The following SLC12A3 variants were observed in gnomAD, a reference collection of about 807,000 sequenced individuals.
SLC12A3 encodes Na-Cl cotransporter.
In SLC12A3, 104 loss-of-function variants were observed where a neutral mutation model predicts 121.0. That is an observed-to-expected ratio of 0.86 (90% CI 0.73 to 1.01). The LOEUF is 1.01. Ranked by LOEUF, SLC12A3 falls within the 50% of genes least tolerant of loss-of-function variation. The pLI, the probability that SLC12A3 is intolerant of heterozygous loss-of-function variation, is 0.00. For synonymous variants in SLC12A3, 536 were observed against 533.4 expected (o/e 1.00, Z -0.07); for missense variants, 1,328 against 1,356.3 (o/e 0.98, Z 0.33).
chr16:56,889,340 G>A (rs2055359217), intron 18 of SLC12A3, among the ~76,000 whole-genome samples: 1 of 152,214 alleles, frequency 6.6e-6, no homozygotes, highest in Non-Finnish European at 1.5e-5. Context: ...CTGGAGATAT[G>A]TGATCTAAGG....
At chr16:56,903,720 G>T (rs1383846436) in intron 24 of SLC12A3, among the ~76,000 whole-genome samples, 1 of 151,988 alleles carries the variant, frequency 6.6e-6, no homozygotes, top group Non-Finnish European at 1.5e-5. Flanking sequence ...TTTGAGCTAG[G>T]CCTTGGGTTG....
rs765267640 is a variant in SLC12A3, at chr16:56,879,209, C to T, written c.1317C>T (p.Gly439=). ...CCCAGCAGCACAGCTGCCACTACGG[C>T]CTCATCAACTATTACCAGGTACTGC... The part of the protein sequence containing the change: ...ECTQQHSCHY[G]LINYYQTMSM... Residue 439 remains glycine (G), a synonymous_variant, in exon 10 of 26, where the codon GGC becomes GGT. Coordinates refer to ENST00000563236, the MANE Select transcript of SLC12A3 (RefSeq NM_001126108.2). 6.2e-6 allele frequency: 10 copies of T among 1,613,968 alleles called. No individual in the cohort carries two copies. The highest frequency in any genetic ancestry group is 1.6e-4 in the Middle Eastern group (1 of 6,062).
chr16:56,898,686 C>T (rs1200998907), intron 22 of SLC12A3, among the ~76,000 whole-genome samples: 2 of 152,152 alleles, frequency 1.3e-5, no homozygotes, highest in African/African-American at 4.8e-5. Flanking sequence ...GTGAAGTCTT[C>T]CCTGACTGCT....
chr16:56,872,933 C>A, intron 8 of SLC12A3, 147 bp downstream of exon 8: 2 of 1,029,098 alleles, frequency 1.9e-6, no homozygotes, highest in Non-Finnish European at 2.9e-6. Flanking sequence ...TCAGTTCAAC[C>A]CAATCCAACC....
rs755546744 is a variant in SLC12A3 at position 56,879,580 on chromosome 16, G to A, written c.1374G>A (p.Thr458=). 2.3e-5 allele frequency: 37 copies of A among 1,613,736 alleles called. No homozygotes were observed. Among genetic ancestry groups the A allele is most frequent in the Non-Finnish European group, 2.8e-5 (33 of 1,179,996 alleles). The change falls in exon 11 of 26, where the codon ACG becomes ACA. Residue 458 remains threonine (T), a synonymous_variant. Coordinates refer to ENST00000563236, the MANE Select transcript of SLC12A3 (RefSeq NM_001126108.2). The stretch of plus-strand genomic sequence containing the variant: ...TGTCAGGCTTCGCGCCCCTGATCAC[G>A]GCTGGCATCTTCGGGGCCACCCTCT... ...SMVSGFAPLI[T]AGIFGATLSS...
intron 25 of SLC12A3, 61 bp downstream of exon 25, chr16:56,904,523 G>T: frequency 6.5e-7 from 1 of 1,532,160 alleles, no homozygotes; most frequent in Non-Finnish European, 9.0e-7. Flanking sequence ...CTCAGCTCTG[G>T]GAAGGGGCTC....
chr16:56,878,187 G>A (rs1323392380), intron 9 of SLC12A3, 26 bp downstream of exon 9: 1 of 1,555,944 alleles, frequency 6.4e-7, no homozygotes, highest in Non-Finnish European at 8.8e-7. Flanking sequence ...AGCCAGTCAG[G>A]AGGGGGAGGG....
chr16:56,899,745 G>T lies in SLC12A3; in HGVS notation c.2720+129G>T, dbSNP rs1385494831. The T allele has an allele frequency of 1.3e-5, 10 of 742,636 alleles. No homozygotes were observed. In the African/African-American group the frequency reaches 1.7e-4, roughly 13 times the overall value. The allele number at this position is 742,636 out of a possible 1,614,324, so 46.0% of individuals were successfully genotyped here. A position where few individuals can be genotyped will look rare whatever the true frequency, so the allele number is the denominator to read the frequency against. On this transcript the variant is annotated intron_variant, in intron 23 of 25. Transcript: ENST00000563236. Reference sequence around the variant, plus strand: ...TCTCCTCCAAGCCCTTCCTAGATGTGTCAGAGGGCACAACTTCTGCAGTGG... The same window carrying T: ...TCTCCTCCAAGCCCTTCCTAGATGTTTCAGAGGGCACAACTTCTGCAGTGG...
At position 56,896,094 on chromosome 16, in the gene SLC12A3, G is replaced by A. The variant is rs548986440; in HGVS notation, c.2633+1452G>A. Among the ~76,000 whole-genome samples, 3 of 152,368 alleles carry A rather than the reference G, an allele frequency of 2.0e-5. No individual in the cohort carries two copies. The South Asian group carries it at 6.2e-4, about 32-fold the overall frequency. On this transcript the variant is annotated intron_variant, in intron 22 of 25. Coordinates refer to ENST00000563236, the MANE Select transcript of SLC12A3 (RefSeq NM_001126108.2). ...TCAGTACCTGTTGGCAGCCCCGGGG[G>A]TCAGGGGCCCCTGCTTTAAGGCAGT...
In SLC12A3 at chr16:56,870,231, T is replaced by C; in HGVS notation, c.737T>C (p.Leu246Pro). 6.2e-7 allele frequency: 1 copy of C among 1,613,168 alleles called. No homozygotes were observed. The highest frequency in any genetic ancestry group is 8.5e-7 in the Non-Finnish European group (1 of 1,179,974). ...VGFAETVRDLLQEYGAPIVDP... is the reference protein window; with the variant it reads ...VGFAETVRDLPQEYGAPIVDP... Reference sequence around the variant, plus strand: ...TTTGCAGAGACCGTGCGGGACCTGCTCCAGGTGAGGCCGGGGGGCTGGACC... The same window carrying C: ...TTTGCAGAGACCGTGCGGGACCTGCCCCAGGTGAGGCCGGGGGGCTGGACC... Residue 246 changes from leucine to proline, a missense_variant, in exon 5 of 26, where the codon CTC (leucine) becomes CCC (proline). Physicochemically the swap from Leu to Pro is moderately conservative, Grantham distance 98. Coordinates refer to ENST00000563236, the MANE Select transcript of SLC12A3 (RefSeq NM_001126108.2).
chr16:56,881,651 A>G (rs1159216753), intron 12 of SLC12A3, among the ~76,000 whole-genome samples: 1 of 151,856 alleles, frequency 6.6e-6, no homozygotes, highest in African/African-American at 2.4e-5. Flanking sequence ...AGGGGAGGGG[A>G]ACAGGGAGAC....
rs59206129 is a variant in SLC12A3, at chr16:56,905,338, C to CAAAAA, written c.2924+895_2924+899dup. On this transcript the variant is annotated intron_variant, in intron 25 of 25. Coordinates refer to ENST00000563236, the MANE Select transcript of SLC12A3 (RefSeq NM_001126108.2). ...TGGCAACAAGAGCGAAACTCCGTCT[C>CAAAAA]AAAAAAAAAAAAAAAAAAAAAAAGA... Among the ~76,000 whole-genome samples the CAAAAA allele has an allele frequency of 3.6e-3, 185 of 50,728 alleles. 4 individuals are homozygous for CAAAAA. Among genetic ancestry groups the CAAAAA allele is most frequent in the African/African-American group, 0.012 (172 of 14,662 alleles). The allele number at this position is 50,728 out of a possible 152,430, so 33.3% of individuals were successfully genotyped here.
At chr16:56,897,026 A>G (rs1432514244) in intron 22 of SLC12A3, among the ~76,000 whole-genome samples, 2 of 151,970 alleles carry the variant, frequency 1.3e-5, no homozygotes, top group African/African-American at 2.4e-5. Context: ...TGGGAGGCGA[A>G]GGTTGCAGTG....
intron 21 of SLC12A3, among the ~76,000 whole-genome samples, 174 bp downstream of exon 21, chr16:56,893,228 A>C (rs1213990978): frequency 1.3e-5 from 2 of 152,222 alleles, no homozygotes; most frequent in Admixed American, 6.5e-5. Flanking sequence ...TTTTGGTTAT[A>C]AAATGGGAAG....
At chr16:56,902,883 C>T (rs547613187) in intron 24 of SLC12A3, among the ~76,000 whole-genome samples, 1 of 152,254 alleles carries the variant, frequency 6.6e-6, no homozygotes, top group East Asian at 1.9e-4. Flanking sequence ...TGGTGGCTCA[C>T]CCCTGTAATC....
intron 5 of SLC12A3, 84 bp from the exon 6 acceptor site, chr16:56,870,542 A>G: frequency 1.1e-6 from 1 of 937,232 alleles, no homozygotes; most frequent in Non-Finnish European, 1.8e-6. Context: ...TGCACCGCAC[A>G]GGAGGTGCCT....
intron 25 of SLC12A3, among the ~76,000 whole-genome samples, chr16:56,909,581 G>C (rs1311134670): frequency 6.6e-6 from 1 of 152,150 alleles, no homozygotes; most frequent in African/African-American, 2.4e-5. Context: ...GTTGCCCAAA[G>C]AGGCCCCAGC....
intron 21 of SLC12A3, 115 bp from the exon 22 acceptor site, chr16:56,894,416 T>G: frequency 1.3e-6 from 1 of 749,200 alleles, no homozygotes; most frequent in South Asian, 1.5e-5. Flanking sequence ...ATGGGTCGAC[T>G]GGGGTCCAGC....
intron 5 of SLC12A3, 26 bp from the exon 6 acceptor site, chr16:56,870,600 C>A: frequency 1.4e-6 from 2 of 1,460,730 alleles, no homozygotes; most frequent in Non-Finnish European, 1.9e-6. Flanking sequence ...GGGTGGCTTG[C>A]AGCCTGGCCC....
Sources: allele counts gnomAD v4.1 joint callset (sites outside exome capture counted in the v4.1 genomes callset), GRCh38; gene constraint gnomAD v4.1.1; transcripts MANE v1.5; gene names NCBI Gene and HGNC (gene_info 2026-07-23, HGNC 2026-07-21).